Variants in MYPN observed in about 807,000 individuals in gnomAD.
MYPN encodes sarcomeric protein myopalladin, 145 kDa (MYOP).
MYPN carries 63 observed loss-of-function variants against 129.4 expected under a neutral mutation model. The ratio of observed to expected loss-of-function variants is 0.49; its 90% CI spans 0.40 to 0.60. MYPN has a LOEUF of 0.60. Among genes scored for constraint, MYPN ranks in the 20% least tolerant of loss-of-function variants. MYPN has a pLI of 0.00. For missense variants in MYPN, 1,596 were observed against 1,635.4 expected (o/e 0.98, Z 0.42); for synonymous variants, 629 against 600.9 (o/e 1.05, Z -0.68).
Position 68,166,354 on chromosome 10 carries a change from C to T in MYPN, c.1661C>T (p.Ala554Val). The part of the protein sequence containing the change: ...LHSANSTTNL[A>V]AIEPQPSPPH... ...TCAGCCAACTCTACCACCAACCTGGCAGCTATTGAGCCACAGCCCTCCCCA... is the reference window on the plus strand; with the variant it reads ...TCAGCCAACTCTACCACCAACCTGGTAGCTATTGAGCCACAGCCCTCCCCA... The change falls in exon 10 of 20, where the codon GCA (alanine) becomes GTA (valine). Residue 554 changes from alanine (A) to valine (V), a missense_variant. Transcript: ENST00000358913. 6.2e-7 allele frequency: 1 copy of T among 1,614,078 alleles called. No individual in the cohort carries two copies. The highest frequency in any genetic ancestry group is 8.5e-7 in the Non-Finnish European group (1 of 1,179,996).
Position 68,188,975 on chromosome 10 carries a change from T to C in MYPN, c.2774T>C (p.Val925Ala), listed in dbSNP as rs1564690954. The C allele has an allele frequency of 6.2e-7, 1 of 1,614,184 alleles. No homozygotes were observed. Among genetic ancestry groups the C allele is most frequent in the Middle Eastern group, 1.7e-4 (1 of 6,060 alleles). ...GAGTTTCGCTTGGAACGTACTCCTG[T>C]TGATGAATCAGATGATGAAATTCAA... ...EIEFRLERTP[V>A]DESDDEIQHD... Residue 925 changes from valine to alanine, a missense_variant, in exon 13 of 20, where the codon GTT becomes GCT. By Grantham distance (64) the Val-to-Ala change is moderately conservative. Coordinates refer to ENST00000358913, the MANE Select transcript of MYPN (RefSeq NM_032578.4).
intron 19 of MYPN, among the ~76,000 whole-genome samples, chr10:68,208,825 C>T (rs946038581): frequency 5.3e-5 from 8 of 152,044 alleles, no homozygotes; most frequent in African/African-American, 1.9e-4. Flanking sequence ...AATAGGGACA[C>T]GTAGGGCTCC....
chr10:68,191,935 A>G (rs1448694959), intron 13 of MYPN, among the ~76,000 whole-genome samples: 7 of 152,170 alleles, frequency 4.6e-5, no homozygotes, highest in Admixed American at 3.9e-4. Flanking sequence ...ATATAAGATC[A>G]TGTCATCTGC....
At position 68,145,492 on chromosome 10, in the gene MYPN, T is replaced by C. The variant is rs535795936; in HGVS notation, c.1096T>C (p.Ser366Pro). 31 of 1,613,568 alleles carry C rather than the reference T, an allele frequency of 1.9e-5. 2 individuals are homozygous for C. In the South Asian group the frequency reaches 3.2e-4, roughly 17 times the overall value. The stretch of plus-strand genomic sequence containing the variant: ...TTTTCCAGGGGTTTCTTCTTCTGAC[T>C]CAGAAGGCGACCCTAACAAGGAAGA... The part of the protein sequence containing the change: ...IYIEGVSSSD[S>P]EGDPNKEEMN... The change falls in exon 4 of 20, where the codon TCA becomes CCA. Residue 366 changes from serine (S) to proline (P), a missense_variant. By Grantham distance (74) the Ser-to-Pro change is moderately conservative. Transcript: ENST00000358913.
chr10:68,132,173 TA>T (rs1329066328), intron 2 of MYPN, among the ~76,000 whole-genome samples: 2 of 152,228 alleles, frequency 1.3e-5, no homozygotes, highest in African/African-American at 4.8e-5. Context: ...TTCTGATGTC[TA>T]AAATACTAAG....
At chr10:68,095,172 C>A (rs2041950497) in intron 1 of MYPN, among the ~76,000 whole-genome samples, 1 of 151,858 alleles carries the variant, frequency 6.6e-6, no homozygotes, top group African/African-American at 2.4e-5. Flanking sequence ...GGTAAAACCC[C>A]TTCTCTACAA....
chr10:68,150,352 C>A (rs936271589), intron 6 of MYPN, among the ~76,000 whole-genome samples: 5 of 152,236 alleles, frequency 3.3e-5, no homozygotes, highest in Admixed American at 6.5e-5. Flanking sequence ...GGCCATTATA[C>A]AACTGTTCAA....
chr10:68,164,773 C>A (rs540615108), intron 8 of MYPN, among the ~76,000 whole-genome samples: 1 of 152,148 alleles, frequency 6.6e-6, no homozygotes, highest in Non-Finnish European at 1.5e-5. Context: ...AGAGAATCAT[C>A]GTTCACAGTG....
intron 1 of MYPN, among the ~76,000 whole-genome samples, chr10:68,118,976 G>A (rs951124476): frequency 6.6e-6 from 1 of 151,938 alleles, no homozygotes; most frequent in African/African-American, 2.4e-5. Flanking sequence ...TAGAGAGAAA[G>A]CCATCCTGAT....
Position 68,171,761 on chromosome 10 carries a change from G to A in MYPN, c.1974-2305G>A, listed in dbSNP as rs2043148448. Among the ~76,000 whole-genome samples the A allele has an allele frequency of 2.6e-5, 4 of 152,164 alleles. No homozygotes were observed. The South Asian group carries it at 8.3e-4, about 32-fold the overall frequency. On this transcript the variant is annotated intron_variant, in intron 10 of 19. Coordinates refer to ENST00000358913, the MANE Select transcript of MYPN (RefSeq NM_032578.4). ...CCAAGTCAGTGATGCACTGGCAAAT[G>A]TTTAATGACTGACAGGGGTGAGAAA... is the stretch of plus-strand genomic sequence containing the variant.
At chr10:68,103,947 T>C (rs2041994370), upstream of MYPN, among the ~76,000 whole-genome samples, 2 of 152,198 alleles carry the variant, frequency 1.3e-5, no homozygotes, top group Admixed American at 1.3e-4. Context: ...TGAAACTCTG[T>C]CTCAAACAAC....
At chr10:68,165,524 C>T (rs768666644) in intron 8 of MYPN, 178 bp from the exon 9 acceptor site, 26 of 691,340 alleles carry the variant, frequency 3.8e-5, no homozygotes, top group South Asian at 3.7e-4. Context: ...TTCTTTGACT[C>T]ATTTTGCCTA....
chr10:68,145,796 C>A (rs1280537660), intron 4 of MYPN, among the ~76,000 whole-genome samples: 1 of 152,204 alleles, frequency 6.6e-6, no homozygotes, highest in Non-Finnish European at 1.5e-5. Context: ...ATCCTTTGTT[C>A]ATGCCTACCT....
chr10:68,133,021 A>ATTTTTTTT lies in MYPN; in HGVS notation c.903-9904_903-9897dup, dbSNP rs35346306. Among the ~76,000 whole-genome samples, 4 of 116,224 alleles carry ATTTTTTTT rather than the reference A, an allele frequency of 3.4e-5. No individual in the cohort carries two copies. In the East Asian group the frequency reaches 8.5e-4, roughly 25 times the overall value. 76.2% of individuals were successfully genotyped at this position (116,224 alleles called of 152,430 possible). On this transcript the variant is annotated intron_variant, in intron 2 of 19. Transcript: ENST00000358913. ...TATAGAATGCCATGTGTAGACCTCA[A>ATTTTTTTT]TTTTTTTTTTTTTTTTTTTTTTGAG... is the stretch of plus-strand genomic sequence containing the variant.
At chr10:68,148,655 A>G (rs368861507) in intron 5 of MYPN, among the ~76,000 whole-genome samples, 188 bp downstream of exon 5, 10 of 152,332 alleles carry the variant, frequency 6.6e-5, no homozygotes, top group South Asian at 2.1e-4. Context: ...TCGGGCTTCA[A>G]TAGGCAAATT....
chr10:68,206,017 G>A (rs1010033903), intron 18 of MYPN, among the ~76,000 whole-genome samples: 4 of 152,140 alleles, frequency 2.6e-5, no homozygotes, highest in Non-Finnish European at 5.9e-5. Context: ...TCAGGAAGCC[G>A]TTGCTGTTGC....
At chr10:68,210,255 A>G (rs1201739882) in intron 19 of MYPN, 31 bp from the exon 20 acceptor site, 2 of 1,612,054 alleles carry the variant, frequency 1.2e-6, no homozygotes, top group Non-Finnish European at 1.7e-6. Context: ...CATTCCTTTG[A>G]TCATAACACA....
At position 68,174,454 on chromosome 10, in the gene MYPN, G is replaced by C. The variant is rs2043194185; in HGVS notation, c.2362G>C (p.Gly788Arg). ...CATCCAAAATGAGCCACTCCCACCAGGCCCAACAGAACCAACACCACCACC... is the reference window on the plus strand; with the variant it reads ...CATCCAAAATGAGCCACTCCCACCACGCCCAACAGAACCAACACCACCACC... ...LSIQNEPLPPGPTEPTPPPFT... is the reference protein window; with the variant it reads ...LSIQNEPLPPRPTEPTPPPFT... Residue 788 changes from glycine to arginine, a missense_variant, in exon 11 of 20, where the codon GGC (glycine) becomes CGC (arginine). Transcript: ENST00000358913. 6.8e-6 allele frequency: 11 copies of C among 1,613,996 alleles called. No individual in the cohort carries two copies. The highest frequency in any genetic ancestry group is 8.5e-6 in the Non-Finnish European group (10 of 1,179,994).
At chr10:68,097,186 T>C (rs1160247469) in intron 1 of MYPN, among the ~76,000 whole-genome samples, 3 of 152,232 alleles carry the variant, frequency 2.0e-5, no homozygotes, top group Non-Finnish European at 4.4e-5. Flanking sequence ...CTGAACTTGA[T>C]TACTATTGGT....
Sources: gnomAD v4.1 joint callset for allele counts (sites outside exome capture counted in the v4.1 genomes callset) on GRCh38, gnomAD v4.1.1 for gene constraint, MANE v1.5 for transcripts, NCBI Gene and HGNC (gene_info 2026-07-23, HGNC 2026-07-21) for gene names.